Variants in ARHGEF11 observed in about 807,000 individuals in gnomAD.
The protein encoded by ARHGEF11 is Rho guanine nucleotide exchange factor 11, also known as Rho guanine exchange factor (GEF) 11.
A neutral mutation model predicts 193.7 loss-of-function variants in ARHGEF11; 55 were observed. That is an observed-to-expected ratio of 0.28 (90% confidence interval 0.23 to 0.36). The LOEUF is 0.36. ARHGEF11 is among the 10% of genes least tolerant of loss of function. ARHGEF11 has a pLI of 1.00. For missense variants in ARHGEF11, 1,723 were observed against 2,005.6 expected, an observed-to-expected ratio of 0.86 and a Z score of 2.69; for synonymous variants, 693 against 768.0, an observed-to-expected ratio of 0.90 and a Z score of 1.62.
chr1:157,035,076 G>C (rs12136720), intron 1 of ARHGEF11, among the ~76,000 whole-genome samples: 27,160 of 152,080 alleles, frequency 0.18, 3,007 homozygotes, highest in East Asian at 0.43. Flanking sequence ...TTGAGATGTG[G>C]GCTAAACTGA....
At chr1:157,037,636 C>A (rs1039458350) in intron 1 of ARHGEF11, among the ~76,000 whole-genome samples, 1 of 152,326 alleles carries the variant, frequency 6.6e-6, no homozygotes, top group African/African-American at 2.4e-5. Context: ...ACCAACCTTG[C>A]ACTCTTCTCT....
At chr1:157,010,705 G>C (rs1207812739) in intron 1 of ARHGEF11, among the ~76,000 whole-genome samples, 1 of 152,162 alleles carries the variant, frequency 6.6e-6, no homozygotes, top group East Asian at 1.9e-4. Flanking sequence ...ACCATACTTG[G>C]ACTGAAAAAT....
At chr1:157,032,219 C>T (rs893864021) in intron 1 of ARHGEF11, among the ~76,000 whole-genome samples, 5 of 152,128 alleles carry the variant, frequency 3.3e-5, no homozygotes, top group African/African-American at 9.7e-5. Flanking sequence ...GGGGAGCTTA[C>T]GTTAAGCTTA....
intron 1 of ARHGEF11, among the ~76,000 whole-genome samples, chr1:157,034,521 T>G (rs1671677078): frequency 6.6e-6 from 1 of 152,220 alleles, no homozygotes; most frequent in African/African-American, 2.4e-5. Context: ...CGAGAGGAAT[T>G]TTGGTCTTAG....
chr1:156,959,947 A>G (rs1433433725), intron 15 of ARHGEF11, among the ~76,000 whole-genome samples: 1 of 110,518 alleles, frequency 9.0e-6, no homozygotes, highest in Non-Finnish European at 1.8e-5. Flanking sequence ...CCCCCCCAAA[A>G]AAAACAATAA....
chr1:156,955,659 C>T, intron 20 of ARHGEF11, 44 bp downstream of exon 20: 1 of 1,491,176 alleles, frequency 6.7e-7, no homozygotes, highest in Non-Finnish European at 9.4e-7. Context: ...GGCTGAGGTC[C>T]CTGCCCAAGG....
At chr1:156,958,612 TC>T in intron 17 of ARHGEF11, 129 bp downstream of exon 17, 1 of 1,335,588 alleles carries the variant, frequency 7.5e-7, no homozygotes. Flanking sequence ...AGTGCAGGAC[TC>T]CCCATCTTTC....
Position 156,941,834 on chromosome 1 carries a change from G to C in ARHGEF11, c.3452+30C>G, listed in dbSNP as rs572511918. 139 of 1,580,792 alleles carry C rather than the reference G, an allele frequency of 8.8e-5. No homozygotes were observed. The South Asian group carries it at 1.6e-3, about 18-fold the overall frequency. On this transcript the variant is annotated intron_variant, in intron 34 of 40. Transcript: ENST00000368194. ...AAACAGGAGGTTTGGAGTGGAGAGA[G>C]TGCAGGGTCTGGAGGGCTAAGCACT...
At chr1:156,992,453 A>G (rs1341921457) in intron 1 of ARHGEF11, among the ~76,000 whole-genome samples, 1 of 152,206 alleles carries the variant, frequency 6.6e-6, no homozygotes, top group Non-Finnish European at 1.5e-5. Context: ...CAAGGCACAG[A>G]GCAGGTGCCT....
rs1340656810 is a variant in ARHGEF11, at chr1:156,978,277, G to A, written c.437C>T (p.Ser146Leu). ...AGGAGGTGGTGGTGAGGGGATCACT[G>A]ACGTGATTCGGGGAGCTCCTGCTGG... ...PSPAGAPRITSVIPSPPPPPP... is the reference protein window; with the variant it reads ...PSPAGAPRITLVIPSPPPPPP... Residue 146 changes from serine to leucine, a missense_variant, in exon 6 of 41, where the codon TCA (serine) becomes TTA (leucine). Physicochemically the swap from Ser to Leu is moderately radical, Grantham distance 145 (BLOSUM62 -2). Transcript: ENST00000368194. 6.2e-7 allele frequency: 1 copy of A among 1,614,172 alleles called. No individual in the cohort carries two copies. Among genetic ancestry groups the A allele is most frequent in the Non-Finnish European group, 8.5e-7 (1 of 1,180,028 alleles).
intron 3 of ARHGEF11, among the ~76,000 whole-genome samples, chr1:156,981,766 C>T (rs1223092943): frequency 1.3e-5 from 2 of 152,182 alleles, no homozygotes; most frequent in Non-Finnish European, 2.9e-5. Context: ...TGTGTCACCT[C>T]GCCCAGCCTC....
chr1:156,961,876 T>C (rs1437292273), intron 13 of ARHGEF11, 101 bp from the exon 14 acceptor site: 1 of 1,001,536 alleles, frequency 1.0e-6, no homozygotes, highest in Non-Finnish European at 1.6e-6. Flanking sequence ...TTTTAGTTGT[T>C]ACAACTACTG....
In ARHGEF11 at chr1:156,936,495, A is replaced by ATATATAT. The variant is rs1330599702; in HGVS notation, c.4630+320_4630+321insATATATA. 9.8e-3 allele frequency among the ~76,000 whole-genome samples: 555 copies of ATATATAT among 56,812 alleles called. 1 individual carries two copies. The highest frequency in any genetic ancestry group is 0.042 in the East Asian group (36 of 862). 37.3% of individuals were successfully genotyped at this position (56,812 alleles called of 152,430 possible). Reference sequence around the variant, plus strand: ...CAAATAAATAGAAAAAAAAAAAAAAAAAATATATATATATATATATATATA... The same window carrying ATATATAT: ...CAAATAAATAGAAAAAAAAAAAAAAATATATATAAATATATATATATATATATATATA... On this transcript the variant is annotated intron_variant, in intron 40 of 40. Transcript: ENST00000368194.
At chr1:157,008,476 A>C (rs1011229589) in intron 1 of ARHGEF11, among the ~76,000 whole-genome samples, 3 of 152,066 alleles carry the variant, frequency 2.0e-5, no homozygotes, top group Non-Finnish European at 2.9e-5. Flanking sequence ...GCCGTCTACA[A>C]GCCAGGAAGA....
intron 20 of ARHGEF11, 47 bp from the exon 21 acceptor site, chr1:156,954,968 T>C: frequency 6.6e-7 from 1 of 1,525,436 alleles, no homozygotes; most frequent in Non-Finnish European, 8.9e-7. Context: ...GAAAAGTCAA[T>C]CAATGTTTTA....
In ARHGEF11 at chr1:157,041,320, A is replaced by C. The variant is rs542599968; in HGVS notation, c.32+2979T>G. ...TAAGTTGCCCATGGACAAAAACTGAAAGGGACATGAACAGCTACACTTTAG... is the reference window on the plus strand; with the variant it reads ...TAAGTTGCCCATGGACAAAAACTGACAGGGACATGAACAGCTACACTTTAG... On this transcript the variant is annotated intron_variant, in intron 1 of 40. Transcript: ENST00000368194. 6.6e-5 allele frequency among the ~76,000 whole-genome samples: 10 copies of C among 152,316 alleles called. No homozygotes were observed. The South Asian group carries it at 2.1e-3, about 32-fold the overall frequency.
chr1:156,971,878 T>C (rs1662538231), intron 7 of ARHGEF11, 62 bp from the exon 8 acceptor site: 8 of 1,547,498 alleles, frequency 5.2e-6, no homozygotes, highest in South Asian at 2.4e-5. Context: ...TAATAGAGAA[T>C]GGATGACTCA....
intron 17 of ARHGEF11, among the ~76,000 whole-genome samples, chr1:156,958,131 T>G (rs1193566919): frequency 1.3e-5 from 2 of 152,176 alleles, no homozygotes; most frequent in Admixed American, 6.5e-5. Flanking sequence ...ACATAACTAC[T>G]TAGTGAGAAG....
chr1:157,031,256 C>A (rs1162852067), intron 1 of ARHGEF11, among the ~76,000 whole-genome samples: 1 of 152,082 alleles, frequency 6.6e-6, no homozygotes, highest in Non-Finnish European at 1.5e-5. Context: ...GAAGGAGGAT[C>A]TTAACAAGGG....
Sources: allele counts gnomAD v4.1 joint callset (sites outside exome capture counted in the v4.1 genomes callset), GRCh38; gene constraint gnomAD v4.1.1; transcripts MANE v1.5; gene names NCBI Gene and HGNC (gene_info 2026-07-23, HGNC 2026-07-21).